The following SLC1A7 variants were observed in gnomAD, a reference collection of about 807,000 sequenced individuals.
SLC1A7 encodes excitatory amino acid transporter 5.
Under a neutral mutation model 47.7 loss-of-function variants are expected in SLC1A7, and 40 were observed. That is an observed-to-expected ratio of 0.84 (90% CI 0.65 to 1.09). The LOEUF is 1.09. Among genes scored for constraint, SLC1A7 ranks in the 50% least tolerant of loss-of-function variants. The pLI, the probability that SLC1A7 is intolerant of heterozygous loss-of-function variation, is 0.00. For synonymous variants in SLC1A7, 323 were observed against 325.6 expected (o/e 0.99, Z 0.09); for missense variants, 746 against 769.5 (o/e 0.97, Z 0.36).
chr1:53,136,652 T>TA (rs1394493014), intron 1 of SLC1A7, among the ~76,000 whole-genome samples: 5,192 of 41,886 alleles, frequency 0.12, 209 homozygotes, highest in African/African-American at 0.19. Flanking sequence ...CATATATATA[T>TA]TATATATATA....
At chr1:53,107,516 T>A (rs928074031) in intron 3 of SLC1A7, among the ~76,000 whole-genome samples, 2 of 152,224 alleles carry the variant, frequency 1.3e-5, no homozygotes, top group African/African-American at 4.8e-5. Context: ...GATCTCTCTG[T>A]ACTGTCTACA....
rs531323798 is a variant in SLC1A7, at chr1:53,108,546, C to T, written c.432-2772G>A. 38 of 717,668 alleles carry T rather than the reference C, an allele frequency of 5.3e-5. 1 individual carries two copies. The highest frequency in any genetic ancestry group is 4.7e-4 in the South Asian group (32 of 67,502). 44.5% of individuals were successfully genotyped at this position (717,668 alleles called of 1,614,324 possible). A position where few individuals can be genotyped will look rare whatever the true frequency, so the allele number is the denominator to read the frequency against. On this transcript the variant is annotated intron_variant, in intron 3 of 10. Coordinates refer to ENST00000371494, the MANE Select transcript of SLC1A7 (RefSeq NM_006671.6). The stretch of plus-strand genomic sequence containing the variant: ...TGGCCATCGAGAGGTGAGTGGAAGT[C>T]GTTGGGTGGTGATTCCTGGAAAACT...
At position 53,088,909 on chromosome 1, in the gene SLC1A7, G is replaced by A. The variant is rs146762551; in HGVS notation, c.1432C>T (p.Arg478Trp). The change falls in exon 10 of 11, where the codon CGG becomes TGG. Residue 478 changes from arginine (R) to tryptophan (W), a missense_variant. Arg to Trp is a moderately radical substitution (Grantham distance 101). Transcript: ENST00000371494. Reference sequence around the variant, plus strand: ...CCTGTGTCCCGGGCAAAATCCTTCCGACATATATGGGCCATGATCCCCGCT... The same window carrying A: ...CCTGTGTCCCGGGCAAAATCCTTCCAACATATATGGGCCATGATCCCCGCT... The part of the protein sequence containing the change: ...LAAGIMAHIC[R>W]KDFARDTGTE... 3.4e-4 allele frequency: 545 copies of A among 1,613,984 alleles called. 2 individuals carry two copies. Among genetic ancestry groups the A allele is most frequent in the South Asian group, 1.2e-3 (111 of 91,056 alleles).
At chr1:53,099,716 G>A (rs968756945) in intron 5 of SLC1A7, among the ~76,000 whole-genome samples, 54 of 112,006 alleles carry the variant, frequency 4.8e-4, no homozygotes, top group African/African-American at 1.6e-3. Flanking sequence ...ACACCACCTC[G>A]GTACACTCAC....
intron 5 of SLC1A7, chr1:53,102,905 C>G (rs1644599879): frequency 6.5e-6 from 1 of 155,020 alleles, no homozygotes; most frequent in Admixed American, 6.4e-5. Flanking sequence ...ACAAGAAAAC[C>G]CAGTGGAGGA....
chr1:53,126,393 T>C (rs1294706363), intron 2 of SLC1A7, among the ~76,000 whole-genome samples: 2 of 152,172 alleles, frequency 1.3e-5, no homozygotes, highest in Non-Finnish European at 2.9e-5. Context: ...TAAATGCACA[T>C]ATGATGGGAC....
intron 2 of SLC1A7, among the ~76,000 whole-genome samples, chr1:53,129,583 G>T (rs1679937): frequency 0.58 from 79,225 of 136,314 alleles, 25,959 homozygotes; most frequent in East Asian, 0.76. Flanking sequence ...AGAGCCCACA[G>T]CTGGAAGATG....
At chr1:53,142,015 C>G (rs1210206942) in intron 1 of SLC1A7, among the ~76,000 whole-genome samples, 3 of 152,302 alleles carry the variant, frequency 2.0e-5, no homozygotes, top group South Asian at 2.1e-4. Context: ...CAAGACCCCC[C>G]TCTTTCCCCG....
intron 5 of SLC1A7, among the ~76,000 whole-genome samples, chr1:53,095,920 T>C (rs1251651785): frequency 6.8e-6 from 1 of 147,990 alleles, no homozygotes; most frequent in Admixed American, 6.8e-5. Flanking sequence ...CCCGCCTCGG[T>C]ACACTCACAC....
chr1:53,098,380 C>T, intron 5 of SLC1A7, among the ~76,000 whole-genome samples: 1 of 150,848 alleles, frequency 6.6e-6, no homozygotes. Flanking sequence ...CATACGGTCA[C>T]ACCACCTTGG....
intron 1 of SLC1A7, among the ~76,000 whole-genome samples, chr1:53,136,830 C>A (rs966251726): frequency 4.0e-5 from 6 of 151,484 alleles, no homozygotes; most frequent in Non-Finnish European, 7.4e-5. Context: ...CCAAGCCCAG[C>A]TAATTTTTGT....
intron 3 of SLC1A7, chr1:53,108,770 C>A (rs936037551): frequency 6.0e-6 from 4 of 662,540 alleles, no homozygotes; most frequent in African/African-American, 3.6e-5. Flanking sequence ...AGCTGCCCAC[C>A]TCCCACTTCT....
intron 2 of SLC1A7, 27 bp downstream of exon 2, chr1:53,134,323 A>G: frequency 6.3e-7 from 1 of 1,582,672 alleles, no homozygotes; most frequent in Non-Finnish European, 8.7e-7. Flanking sequence ...CTGGTTCCGG[A>G]CCACCTGGTC....
chr1:53,089,070 G>A (rs1644391661), intron 9 of SLC1A7, 91 bp from the exon 10 acceptor site: 2 of 1,003,826 alleles, frequency 2.0e-6, no homozygotes, highest in East Asian at 2.5e-5. Context: ...AGCACGGCCG[G>A]TGACCAGCTG....
rs201235387 is a variant in SLC1A7, at chr1:53,114,907, C to T, written c.282G>A (p.Ala94=). Residue 94 remains alanine (A), a synonymous_variant, in exon 3 of 11, where the codon GCG becomes GCA. Transcript: ENST00000371494. ...TSSRLGVLTV[A]YYLWTTFMAV... is the part of the protein sequence containing the mutation. ...CCATGAAGGTGGTCCACAGGTAGTA[C>T]GCCACGGTGAGGACGCCCAGGCGGC... 3.5e-5 allele frequency: 56 copies of T among 1,614,182 alleles called. No homozygotes were observed. Among genetic ancestry groups the T allele is most frequent in the South Asian group, 2.1e-4 (19 of 91,080 alleles).
chr1:53,089,131 C>T, intron 9 of SLC1A7, 152 bp from the exon 10 acceptor site: 1 of 665,628 alleles, frequency 1.5e-6, no homozygotes, highest in Non-Finnish European at 2.7e-6. Flanking sequence ...CAAGCCCACC[C>T]TTTGGCATCA....
At chr1:53,140,516 G>A (rs930303894) in intron 1 of SLC1A7, among the ~76,000 whole-genome samples, 1 of 152,136 alleles carries the variant, frequency 6.6e-6, no homozygotes, top group Admixed American at 6.5e-5. Flanking sequence ...AGCTTGGTGG[G>A]AGAAAGAGAC....
At position 53,114,806 on chromosome 1, in the gene SLC1A7, C is replaced by T; in HGVS notation, c.383G>A (p.Ser128Asn). 6.2e-7 allele frequency: 1 copy of T among 1,614,176 alleles called. No homozygotes were observed. Among genetic ancestry groups the T allele is most frequent in the Non-Finnish European group, 8.5e-7 (1 of 1,180,014 alleles). ...GGCTGAGCTCATGATGGGCTTCCCA[C>T]TCTGCTCCGTGGTCTCCTTCTGGGC... Reference protein sequence around the residue: ...SAAQKETTEQSGKPIMSSADA... With the variant: ...SAAQKETTEQNGKPIMSSADA... The change falls in exon 3 of 11, where the codon AGT (serine) becomes AAT (asparagine). Residue 128 changes from serine to asparagine, a missense_variant. Transcript: ENST00000371494.
chr1:53,110,997 G>T (rs1260955166), intron 3 of SLC1A7, among the ~76,000 whole-genome samples: 1 of 152,156 alleles, frequency 6.6e-6, no homozygotes, highest in Non-Finnish European at 1.5e-5. Context: ...GCTGTCCTAG[G>T]CTCCAGGATA....
Sources: allele counts gnomAD v4.1 joint callset (sites outside exome capture counted in the v4.1 genomes callset), GRCh38; gene constraint gnomAD v4.1.1; transcripts MANE v1.5; gene names NCBI Gene and HGNC (gene_info 2026-07-23, HGNC 2026-07-21).